The following TMEM109 variants were observed in gnomAD, a reference collection of about 807,000 sequenced individuals.
TMEM109 encodes transmembrane protein 109, also known as voltage-gated monoatomic cation channel TMEM109.
Under a neutral mutation model 26.4 loss-of-function variants are expected in TMEM109, and 19 were observed. The ratio of observed to expected loss-of-function variants is 0.72; its 90% CI spans 0.50 to 1.06. The LOEUF (loss-of-function observed/expected upper bound fraction) is 1.06, where lower values mean the gene tolerates loss of function less well. Ranked by LOEUF, TMEM109 falls within the 50% of genes least tolerant of loss-of-function variation. TMEM109 has a pLI of 0.00. For missense variants in TMEM109, 262 were observed against 303.4 expected, an observed-to-expected ratio of 0.86 and a Z score of 1.01; for synonymous variants, 129 against 142.0, an observed-to-expected ratio of 0.91 and a Z score of 0.65.
chr11:60,919,960 C>A, intron 2 of TMEM109, 30 bp downstream of exon 2: 1 of 1,557,484 alleles, frequency 6.4e-7, no homozygotes, highest in Non-Finnish European at 8.9e-7. Flanking sequence ...TGTGACTACA[C>A]ACATTAAGGA....
chr11:60,915,908 G>A (rs1856169543), intron 1 of TMEM109, among the ~76,000 whole-genome samples: 1 of 152,168 alleles, frequency 6.6e-6, no homozygotes, highest in Non-Finnish European at 1.5e-5. Flanking sequence ...GAACAGAAGT[G>A]GCAGGTTTTG....
intron 2 of TMEM109, 86 bp downstream of exon 2, chr11:60,920,016 C>T: frequency 3.5e-6 from 4 of 1,130,750 alleles, no homozygotes; most frequent in Non-Finnish European, 4.0e-6. Flanking sequence ...ATCTTAGTTC[C>T]ACATCCTCTC....
At position 60,919,678 on chromosome 11, in the gene TMEM109, C is replaced by T. The variant is rs1439808163; in HGVS notation, c.-8-8C>T. 1.9e-6 allele frequency: 3 copies of T among 1,611,714 alleles called. No homozygotes were observed. The highest frequency in any genetic ancestry group is 2.2e-5 in the East Asian group (1 of 44,886). Reference sequence around the variant, plus strand: ...GGCACTCAGCTCACTGTGCTTCTCTCCTGGCAGACCCAGTCATGGCAGCCT... The same window carrying T: ...GGCACTCAGCTCACTGTGCTTCTCTTCTGGCAGACCCAGTCATGGCAGCCT... On this transcript the variant is annotated splice_polypyrimidine_tract_variant and splice_region_variant and intron_variant, in intron 1 of 3. Transcript: ENST00000227525.
At chr11:60,917,139 T>C (rs1856182203) in intron 1 of TMEM109, among the ~76,000 whole-genome samples, 1 of 152,168 alleles carries the variant, frequency 6.6e-6, no homozygotes, top group Non-Finnish European at 1.5e-5. Context: ...AGAGCAGCTG[T>C]TTCTGGACCA....
At chr11:60,916,066 G>A (rs964182493) in intron 1 of TMEM109, among the ~76,000 whole-genome samples, 1 of 152,162 alleles carries the variant, frequency 6.6e-6, no homozygotes, top group African/African-American at 2.4e-5. Flanking sequence ...TCAGCTCCAT[G>A]AGGGCAGGGA....
intron 1 of TMEM109, among the ~76,000 whole-genome samples, chr11:60,915,032 A>G (rs1856158418): frequency 6.6e-6 from 1 of 152,218 alleles, no homozygotes; most frequent in Non-Finnish European, 1.5e-5. Context: ...GTTTCTTGGC[A>G]GGTTGCTAAT....
Position 60,922,379 on chromosome 11 carries a change from G to A in TMEM109, c.*214G>A, listed in dbSNP as rs978178097. ...CCTGTCTTCTGAGGTTCTCTGTCTG[G>A]GGTTGGCTCTCTTAACCCTTTCTCT... is the stretch of plus-strand genomic sequence containing the variant. On this transcript the variant is annotated 3_prime_UTR_variant, in exon 4 of 4. Coordinates refer to ENST00000227525, the MANE Select transcript of TMEM109 (RefSeq NM_024092.3). 1.4e-5 allele frequency: 21 copies of A among 1,528,708 alleles called. No homozygotes were observed. The African/African-American group carries it at 2.7e-4, about 20-fold the overall frequency. The allele number at this position is 1,528,708 out of a possible 1,614,324, so 94.7% of individuals were successfully genotyped here.
At position 60,922,332 on chromosome 11, in the gene TMEM109, T is replaced by TC; in HGVS notation, c.*172dup. 1 of 1,536,164 alleles carries TC rather than the reference T, an allele frequency of 6.5e-7. No individual in the cohort carries two copies. The highest frequency in any genetic ancestry group is 8.7e-7 in the Non-Finnish European group (1 of 1,146,488). On this transcript the variant is annotated 3_prime_UTR_variant, in exon 4 of 4. Transcript: ENST00000227525. ...GCCAAGAGAAACAGAGAAAGACCAT[T>TC]CCCCCTGCCTGTCCTTGCGGCCCTG...
At chr11:60,919,988 G>A in intron 2 of TMEM109, 58 bp downstream of exon 2, 7 of 1,440,734 alleles carry the variant, frequency 4.9e-6, no homozygotes, top group Non-Finnish European at 6.8e-6. Context: ...AAGAAGAAAG[G>A]TTGGTAATGG....
At chr11:60,916,829 A>G (rs1375319861) in intron 1 of TMEM109, among the ~76,000 whole-genome samples, 4 of 152,182 alleles carry the variant, frequency 2.6e-5, no homozygotes, top group African/African-American at 9.6e-5. Flanking sequence ...GGAGCAGCTT[A>G]TGGCACCCTG....
At chr11:60,915,848 C>T (rs1231120623) in intron 1 of TMEM109, among the ~76,000 whole-genome samples, 2 of 152,164 alleles carry the variant, frequency 1.3e-5, no homozygotes, top group Non-Finnish European at 2.9e-5. Context: ...AAGCTGTTTC[C>T]CCAGCCAGGC....
chr11:60,921,152 G>T (rs914288494), intron 3 of TMEM109, among the ~76,000 whole-genome samples, 164 bp downstream of exon 3: 8 of 152,226 alleles, frequency 5.3e-5, no homozygotes, highest in Admixed American at 5.2e-4. Flanking sequence ...ACCATGGCCA[G>T]GTGTGGTGGC....
rs766172529 is a variant in TMEM109 at position 60,922,185 on chromosome 11, G to T, written c.*20G>T. 1.9e-6 allele frequency: 3 copies of T among 1,562,574 alleles called. No homozygotes were observed. The East Asian group carries it at 7.2e-5, about 38-fold the overall frequency. ...GAGTGAGCCGGATGCCCCACACACC[G>T]CCAGTGTCATACCAAAGAGCTGAGC... On this transcript the variant is annotated 3_prime_UTR_variant, in exon 4 of 4. Transcript: ENST00000227525.
In TMEM109 at chr11:60,919,919, C is replaced by T; in HGVS notation, c.226C>T (p.Leu76=). 1 of 1,613,944 alleles carries T rather than the reference C, an allele frequency of 6.2e-7. No homozygotes were observed. The highest frequency in any genetic ancestry group is 8.5e-7 in the Non-Finnish European group (1 of 1,179,816). Residue 76 remains leucine, a synonymous_variant, in exon 2 of 4, where the codon CTG becomes TTG. Coordinates refer to ENST00000227525, the MANE Select transcript of TMEM109 (RefSeq NM_024092.3). The part of the protein sequence containing the change: ...DAWIGPETMH[L]VSESSSQVLW... Reference sequence around the variant, plus strand: ...CTGGATTGGGCCAGAGACCATGCACCTGGTGTCAGAGGTAAGGAAGGTAGT... The same window carrying T: ...CTGGATTGGGCCAGAGACCATGCACTTGGTGTCAGAGGTAAGGAAGGTAGT...
At chr11:60,915,106 A>G (rs1203379743) in intron 1 of TMEM109, among the ~76,000 whole-genome samples, 2 of 152,242 alleles carry the variant, frequency 1.3e-5, no homozygotes, top group East Asian at 3.8e-4. Context: ...CAACATGTCA[A>G]GTCTAACCGG....
intron 3 of TMEM109, 123 bp downstream of exon 3, chr11:60,921,111 A>G: frequency 1.2e-6 from 1 of 840,810 alleles, no homozygotes; most frequent in Non-Finnish European, 1.9e-6. Context: ...AGGATTCTGC[A>G]GAGACATGGC....
rs746173819 is a variant in TMEM109 at position 60,921,940 on chromosome 11, G to C, written c.507G>C (p.Leu169=). 6.2e-7 allele frequency: 1 copy of C among 1,614,088 alleles called. No homozygotes were observed. The highest frequency in any genetic ancestry group is 1.1e-5 in the South Asian group (1 of 91,090). ...GGGGCCTGAAGCTTGTCATCTTCCTGGCCGGCTTCGTGGCCCTGATGAGGT... is the reference window on the plus strand; with the variant it reads ...GGGGCCTGAAGCTTGTCATCTTCCTCGCCGGCTTCGTGGCCCTGATGAGGT... ...ILWGLKLVIF[L]AGFVALMRSV... Residue 169 remains leucine, a synonymous_variant, in exon 4 of 4, where the codon CTG becomes CTC. Transcript: ENST00000227525.
intron 1 of TMEM109, among the ~76,000 whole-genome samples, chr11:60,915,989 G>C (rs892187273): frequency 6.6e-6 from 1 of 152,136 alleles, no homozygotes; most frequent in Non-Finnish European, 1.5e-5. Context: ...GAAGGCAGAT[G>C]GTCTCCTGGT....
intron 1 of TMEM109, chr11:60,918,691 TC>T (rs1856199854): frequency 6.6e-6 from 1 of 150,952 alleles, no homozygotes; most frequent in Non-Finnish European, 1.5e-5. Context: ...AGATCCAACA[TC>T]CTTGGCTGGA....
Sources: gnomAD v4.1 joint callset for allele counts (sites outside exome capture counted in the v4.1 genomes callset) on GRCh38, gnomAD v4.1.1 for gene constraint, MANE v1.5 for transcripts, NCBI Gene and HGNC (gene_info 2026-07-23, HGNC 2026-07-21) for gene names.